The following PELI1 variants were observed in gnomAD, a reference collection of about 807,000 sequenced individuals.
The protein encoded by PELI1 is E3 ubiquitin-protein ligase pellino homolog 1.
In PELI1, 15 loss-of-function variants were observed where a neutral mutation model predicts 41.3. The observed-to-expected ratio is 0.36, with a 90% CI of 0.24 to 0.56. The LOEUF (loss-of-function observed/expected upper bound fraction) is 0.56, where lower values mean the gene tolerates loss of function less well. PELI1 is among the 20% of genes least tolerant of loss of function. The pLI is 0.82. For synonymous variants in PELI1, 178 were observed against 180.1 expected (o/e 0.99, Z 0.09); for missense variants, 403 against 525.5 (o/e 0.77, Z 2.28).
At chr2:64,103,408 G>C (rs567192194) in intron 3 of PELI1, among the ~76,000 whole-genome samples, 15 of 152,148 alleles carry the variant, frequency 9.9e-5, no homozygotes, top group Admixed American at 2.0e-4. Flanking sequence ...GCATTTTGTG[G>C]GTGAAGGACC....
At chr2:64,099,025 G>A (rs1320467428) in intron 4 of PELI1, among the ~76,000 whole-genome samples, 1 of 152,122 alleles carries the variant, frequency 6.6e-6, no homozygotes, top group Non-Finnish European at 1.5e-5. Context: ...TTTAATTTCA[G>A]TTTTGCCCCC....
intron 1 of PELI1, among the ~76,000 whole-genome samples, chr2:64,134,958 A>C (rs1681667413): frequency 6.6e-6 from 1 of 152,180 alleles, no homozygotes; most frequent in Admixed American, 6.5e-5. Context: ...CAGTCACTTC[A>C]TAATTCATTC....
intron 1 of PELI1, among the ~76,000 whole-genome samples, chr2:64,115,858 T>C (rs966814830): frequency 1.3e-5 from 2 of 152,232 alleles, no homozygotes; most frequent in African/African-American, 2.4e-5. Flanking sequence ...TACTTCAGCA[T>C]AGATTAGTAA....
rs551599068 is a variant in PELI1, at chr2:64,107,175, C to T, written c.71+1065G>A. ...AACTCCTGAGCTCAGGTGATCTGCC[C>T]ACCTAGGCCTCCCACCTGTAAGCTG... On this transcript the variant is annotated intron_variant, in intron 2 of 6. Transcript: ENST00000358912. 2.0e-5 allele frequency among the ~76,000 whole-genome samples: 3 copies of T among 152,202 alleles called. No individual in the cohort carries two copies. The South Asian group carries it at 6.2e-4, about 32-fold the overall frequency.
intron 1 of PELI1, among the ~76,000 whole-genome samples, chr2:64,110,176 C>T (rs192869821): frequency 2.8e-5 from 4 of 143,738 alleles, no homozygotes; most frequent in Admixed American, 7.4e-5. Flanking sequence ...ACCCGGGAGG[C>T]AGAGCTTGCA....
At chr2:64,097,420 C>T (rs969006156) in intron 4 of PELI1, among the ~76,000 whole-genome samples, 14 of 152,198 alleles carry the variant, frequency 9.2e-5, no homozygotes, top group African/African-American at 3.4e-4. Flanking sequence ...TATATATATA[C>T]TCTTCCTGGT....
At chr2:64,109,046 C>A (rs961733079) in intron 1 of PELI1, among the ~76,000 whole-genome samples, 1 of 152,176 alleles carries the variant, frequency 6.6e-6, no homozygotes, top group Non-Finnish European at 1.5e-5. Context: ...CCTATTAGGG[C>A]AATGTAAAAG....
At chr2:64,113,441 A>C (rs1680890198) in intron 1 of PELI1, among the ~76,000 whole-genome samples, 1 of 152,170 alleles carries the variant, frequency 6.6e-6, no homozygotes, top group Non-Finnish European at 1.5e-5. Context: ...ATTCAGCCCT[A>C]TCCCAATGTT....
chr2:64,094,539 T>G lies in PELI1; in HGVS notation c.*163A>C, dbSNP rs572522491. 33 of 511,660 alleles carry G rather than the reference T, an allele frequency of 6.4e-5. No individual in the cohort carries two copies. Among genetic ancestry groups the G allele is most frequent in the Non-Finnish European group, 1.1e-4 (32 of 291,870 alleles). The allele number at this position is 511,660 out of a possible 1,614,324, so 31.7% of individuals were successfully genotyped here. A position where few individuals can be genotyped will look rare whatever the true frequency, so the allele number is the denominator to read the frequency against. On this transcript the variant is annotated 3_prime_UTR_variant, in exon 7 of 7. Transcript: ENST00000358912. ...AATTCCTTTGCTTGAGTTTCCCAGA[T>G]TTTTGCTCAGAAATTGCTACTATTT...
At chr2:64,101,354 T>G (rs1453314024) in intron 3 of PELI1, among the ~76,000 whole-genome samples, 1 of 151,836 alleles carries the variant, frequency 6.6e-6, no homozygotes, top group Non-Finnish European at 1.5e-5. Flanking sequence ...AAAGAAACAT[T>G]CATAGAATGA....
At chr2:64,136,938 C>T (rs974644599) in intron 1 of PELI1, among the ~76,000 whole-genome samples, 1 of 152,080 alleles carries the variant, frequency 6.6e-6, no homozygotes, top group African/African-American at 2.4e-5. Flanking sequence ...GTTGTGCTCC[C>T]CCACCATTGG....
intron 2 of PELI1, among the ~76,000 whole-genome samples, chr2:64,105,905 AG>A (rs140385193): frequency 0.076 from 11,572 of 152,190 alleles, 635 homozygotes; most frequent in African/African-American, 0.16. Flanking sequence ...AGGCTGGAGG[AG>A]GAAGTGATTA....
rs2103683146 is a variant in PELI1 at position 64,104,792 on chromosome 2, C to T, written c.110G>A (p.Arg37Lys). The change falls in exon 3 of 7, where the codon AGG becomes AAG. Residue 37 changes from arginine to lysine, a missense_variant. Arg to Lys is a conservative substitution (Grantham distance 26, BLOSUM62 2). Coordinates refer to ENST00000358912, the MANE Select transcript of PELI1 (RefSeq NM_020651.4). ...GSLPNGDRGR[R>K]KSRFALFKRP... Reference sequence around the variant, plus strand: ...TTTAAACAAAGCAAACCTACTTTTCCTCCTTCCTCTATCGCCATTTGGGAG... The same window carrying T: ...TTTAAACAAAGCAAACCTACTTTTCTTCCTTCCTCTATCGCCATTTGGGAG... 3 of 1,613,180 alleles carry T rather than the reference C, an allele frequency of 1.9e-6. No individual in the cohort carries two copies. The highest frequency in any genetic ancestry group is 2.5e-6 in the Non-Finnish European group (3 of 1,179,678).
intron 1 of PELI1, among the ~76,000 whole-genome samples, chr2:64,121,738 T>C (rs1416759076): frequency 6.6e-6 from 1 of 152,048 alleles, no homozygotes; most frequent in Non-Finnish European, 1.5e-5. Context: ...AAACCCCGTC[T>C]CTACTAAAAA....
rs190570686 is a variant in PELI1 at position 64,094,888 on chromosome 2, G to C, written c.1071C>G (p.Ala357=). The C allele has an allele frequency of 6.2e-6, 10 of 1,614,110 alleles. No homozygotes were observed. The South Asian group carries it at 1.1e-4, about 18-fold the overall frequency. The change falls in exon 7 of 7, where the codon GCC becomes GCG. Residue 357 remains alanine, a synonymous_variant. Transcript: ENST00000358912. ...GGCTAAACGCATGGGTTGGAGGGCC[G>C]GCGTCCACATAAAATCCAGCTTCAC... ...LGCEAGFYVD[A]GPPTHAFSPC... is the part of the protein sequence containing the mutation.
chr2:64,132,868 C>T (rs1212555301), intron 1 of PELI1, among the ~76,000 whole-genome samples: 2 of 152,052 alleles, frequency 1.3e-5, no homozygotes, highest in African/African-American at 4.8e-5. Context: ...GAATCTCAAG[C>T]CCCAGCCATA....
intron 1 of PELI1, among the ~76,000 whole-genome samples, chr2:64,109,587 G>A (rs1680737148): frequency 6.6e-6 from 1 of 152,202 alleles, no homozygotes; most frequent in Non-Finnish European, 1.5e-5. Flanking sequence ...GGTTGAGGCA[G>A]GAGAACCACT....
chr2:64,116,623 T>C (rs1391978413), intron 1 of PELI1, among the ~76,000 whole-genome samples: 1 of 152,204 alleles, frequency 6.6e-6, no homozygotes, highest in Non-Finnish European at 1.5e-5. Flanking sequence ...CCTTATGAGA[T>C]AGGAACTATT....
intron 1 of PELI1, among the ~76,000 whole-genome samples, chr2:64,119,839 T>G (rs979062576): frequency 1.3e-5 from 2 of 152,224 alleles, no homozygotes; most frequent in African/African-American, 4.8e-5. Context: ...CTTTTCATAT[T>G]AGTAAACCTA....
Sources: gnomAD v4.1 joint callset for allele counts (sites outside exome capture counted in the v4.1 genomes callset) on GRCh38, gnomAD v4.1.1 for gene constraint, MANE v1.5 for transcripts, NCBI Gene and HGNC (gene_info 2026-07-23, HGNC 2026-07-21) for gene names.